The following MED24 variants were observed in gnomAD, a reference collection of about 807,000 sequenced individuals.
MED24 encodes mediator of RNA polymerase II transcription subunit 24.
In MED24, 74 loss-of-function variants were observed where a neutral mutation model predicts 118.8. That is an observed-to-expected ratio of 0.62 (90% CI 0.52 to 0.76). The LOEUF (loss-of-function observed/expected upper bound fraction) is 0.76, where lower values mean the gene tolerates loss of function less well. MED24 is among the 30% of genes least tolerant of loss of function. The pLI is 0.00. For synonymous variants in MED24, 521 were observed against 523.9 expected (o/e 0.99, Z 0.08); for missense variants, 1,041 against 1,278.9 (o/e 0.81, Z 2.84).
In MED24 at chr17:40,026,665, C is replaced by T. The variant is rs751786358; in HGVS notation, c.1791G>A (p.Leu597=). 7.5e-6 allele frequency: 12 copies of T among 1,610,508 alleles called. No homozygotes were observed. The highest frequency in any genetic ancestry group is 3.4e-5 in the Admixed American group (2 of 59,598). ...EILNAWENGV[L]AFESIQKITD... is the part of the protein sequence containing the mutation. ...GGGCTACCTGGATGGACTCGAAGGC[C>T]AGGACCCCATTCTCCCAGGCATTGA... is the stretch of plus-strand genomic sequence containing the variant. Residue 597 remains leucine (L), a synonymous_variant, in exon 18 of 26, where the codon CTG becomes CTA. Transcript: ENST00000394128.
chr17:40,037,910 CAAA>C (rs769675825), intron 3 of MED24, among the ~76,000 whole-genome samples: 8 of 82,666 alleles, frequency 9.7e-5, no homozygotes, highest in Admixed American at 2.8e-4. Flanking sequence ...GACTCTGTCT[CAAA>C]AAAAAAAAAA....
chr17:40,035,028 T>C, intron 6 of MED24, 89 bp downstream of exon 6: 1 of 1,610,242 alleles, frequency 6.2e-7, no homozygotes, highest in Non-Finnish European at 8.5e-7. Context: ...TGGAAAGAGG[T>C]GGGATGGCAT....
intron 3 of MED24, among the ~76,000 whole-genome samples, chr17:40,048,041 T>C (rs1189529726): frequency 6.6e-6 from 1 of 152,294 alleles, no homozygotes; most frequent in African/African-American, 2.4e-5. Context: ...AAGATCTTTG[T>C]ATGTTATGCT....
chr17:40,036,245 C>A (rs1389956872), intron 3 of MED24, 91 bp from the exon 4 acceptor site: 15 of 1,342,338 alleles, frequency 1.1e-5, no homozygotes, highest in Middle Eastern at 1.8e-4. Flanking sequence ...CTGCAGCTCT[C>A]CTGAACCTCA....
chr17:40,031,508 T>C (rs1237137390), intron 11 of MED24, 30 bp downstream of exon 11: 13 of 1,597,754 alleles, frequency 8.1e-6, no homozygotes, highest in Admixed American at 1.7e-5. Flanking sequence ...CGCCTTCCAG[T>C]AGGGCGGGGG....
At chr17:40,032,187 G>C in intron 9 of MED24, 97 bp from the exon 10 acceptor site, 1 of 1,398,524 alleles carries the variant, frequency 7.2e-7, no homozygotes, top group Non-Finnish European at 1.0e-6. Context: ...TCCAGGAAGA[G>C]AGACAGGAAC....
Position 40,032,724 on chromosome 17 carries a change from T to C in MED24, c.861A>G (p.Lys287=), listed in dbSNP as rs2144910290. The change falls in exon 9 of 26, where the codon AAA becomes AAG. Residue 287 remains lysine, a synonymous_variant. Coordinates refer to ENST00000394128, the MANE Select transcript of MED24 (RefSeq NM_014815.4). ...ACTCAATGAGCCCCACGAAGCAAGC[T>C]TTCCAGATCTCCAGGACAAAAAGTG... ...PTPLFVLEIW[K]ACFVGLIESP... 1.2e-6 allele frequency: 2 copies of C among 1,613,878 alleles called. No individual in the cohort carries two copies. The highest frequency in any genetic ancestry group is 2.2e-5 in the East Asian group (1 of 44,868).
chr17:40,034,181 G>A (rs1983691844), intron 6 of MED24, among the ~76,000 whole-genome samples: 1 of 151,954 alleles, frequency 6.6e-6, no homozygotes, highest in Admixed American at 6.6e-5. Flanking sequence ...GAGCATAAAA[G>A]GGGGAAAAAA....
chr17:40,019,643 C>A lies in MED24; in HGVS notation c.2856G>T (p.Val952=). The A allele has an allele frequency of 1.9e-6, 3 of 1,591,382 alleles. No individual in the cohort carries two copies. Among genetic ancestry groups the A allele is most frequent in the Non-Finnish European group, 2.6e-6 (3 of 1,165,454 alleles). Residue 952 remains valine, a splice_region_variant and synonymous_variant, in exon 26 of 26, where the codon GTG becomes GTT. Transcript: ENST00000394128. ...TGGCTGACACCTTCACCAGTTCCGA[C>A]ACCTGCCACGGACAGACAGATGCTG... ...SVLQFMPFTT[V]SELVKVSAMS...
chr17:40,045,698 C>A (rs1985094590), intron 3 of MED24, among the ~76,000 whole-genome samples: 1 of 151,288 alleles, frequency 6.6e-6, no homozygotes, highest in Non-Finnish European at 1.5e-5. Context: ...ATGGCTTGAG[C>A]CAAGGAGGTC....
chr17:40,034,822 C>G (rs995617383), intron 6 of MED24: 3 of 913,608 alleles, frequency 3.3e-6, no homozygotes, highest in African/African-American at 3.4e-5. Flanking sequence ...TTGATGAGGG[C>G]AGGGACCCTG....
rs1390722566 is a variant in MED24, at chr17:40,053,644, T to C, written c.-37-9A>G. On this transcript the variant is annotated splice_polypyrimidine_tract_variant and intron_variant, in intron 1 of 25. Transcript: ENST00000394128. ...GCAGCGGTGGCGGCCAGCTTTGAGGTGAAAGAAATGGAGCTAAAGAAAAGG... is the reference window on the plus strand; with the variant it reads ...GCAGCGGTGGCGGCCAGCTTTGAGGCGAAAGAAATGGAGCTAAAGAAAAGG... 3 of 1,612,672 alleles carry C rather than the reference T, an allele frequency of 1.9e-6. No homozygotes were observed. Among genetic ancestry groups the C allele is most frequent in the Non-Finnish European group, 2.5e-6 (3 of 1,179,898 alleles).
Position 40,023,323 on chromosome 17 carries a change from C to T in MED24, c.2058G>A (p.Lys686=). Residue 686 remains lysine (K), a synonymous_variant, in exon 20 of 26, where the codon AAG becomes AAA. Transcript: ENST00000394128. ...DVLQQTATQI[K]FPSTGVDTMP... ...TTGTGTCCACCCCGGTGGAGGGAAA[C>T]TTGATCTGCGTGGCTGTCTGCTGCA... 3 of 1,613,956 alleles carry T rather than the reference C, an allele frequency of 1.9e-6. No individual in the cohort carries two copies. Among genetic ancestry groups the T allele is most frequent in the Non-Finnish European group, 2.5e-6 (3 of 1,179,910 alleles).
rs1322425730 is a variant in MED24 at position 40,026,142 on chromosome 17, G to A, written c.1985+14C>T. The A allele has an allele frequency of 1.2e-6, 2 of 1,607,338 alleles. No individual in the cohort carries two copies. Among genetic ancestry groups the A allele is most frequent in the East Asian group, 2.2e-5 (1 of 44,732 alleles). Reference sequence around the variant, plus strand: ...ACACTTGAAGGGTCTGAGAAGGGAAGGCAGGTTACCGACCTCTCATTGTAG... The same window carrying A: ...ACACTTGAAGGGTCTGAGAAGGGAAAGCAGGTTACCGACCTCTCATTGTAG... On this transcript the variant is annotated intron_variant, in intron 19 of 25. Coordinates refer to ENST00000394128, the MANE Select transcript of MED24 (RefSeq NM_014815.4).
At chr17:40,044,349 G>A (rs1029178152) in intron 3 of MED24, among the ~76,000 whole-genome samples, 1 of 151,372 alleles carries the variant, frequency 6.6e-6, no homozygotes, top group African/African-American at 2.4e-5. Context: ...GAGAATCCCC[G>A]TATCTACTAA....
intron 6 of MED24, chr17:40,034,853 C>CGGGGGGGGGGGGGGGGGGGGGGGGGTGGG: frequency 3.2e-6 from 1 of 309,118 alleles, no homozygotes. Flanking sequence ...CTTTGGTAGC[C>CGGGGGGGGGGGGGGGGGGGGGGGGGTGGG]CCCCACCCCC....
At chr17:40,037,535 C>T (rs1159989190) in intron 3 of MED24, among the ~76,000 whole-genome samples, 1 of 152,196 alleles carries the variant, frequency 6.6e-6, no homozygotes, top group African/African-American at 2.4e-5. Context: ...CTCAGCATGT[C>T]TCAAAGTAGC....
chr17:40,028,810 G>C lies in MED24; in HGVS notation c.1409+16C>G, dbSNP rs772630734. 1.2e-6 allele frequency: 2 copies of C among 1,612,948 alleles called. No homozygotes were observed. The highest frequency in any genetic ancestry group is 1.7e-6 in the Non-Finnish European group (2 of 1,179,876). On this transcript the variant is annotated intron_variant, in intron 14 of 25. Transcript: ENST00000394128. The stretch of plus-strand genomic sequence containing the variant: ...CTCCCTGCACGCCCTGGGGTCAGGG[G>C]CTTGGCCTTCCTCACTTGATGAATT...
At chr17:40,044,050 C>A (rs1302264504) in intron 3 of MED24, among the ~76,000 whole-genome samples, 21 of 146,792 alleles carry the variant, frequency 1.4e-4, no homozygotes, top group Non-Finnish European at 2.7e-4. Flanking sequence ...ATGGCTGGAA[C>A]CGGGGAAGCT....
Sources: gnomAD v4.1 joint callset for allele counts (sites outside exome capture counted in the v4.1 genomes callset) on GRCh38, gnomAD v4.1.1 for gene constraint, MANE v1.5 for transcripts, NCBI Gene and HGNC (gene_info 2026-07-23, HGNC 2026-07-21) for gene names.